The following NALCN variants were observed in gnomAD, a reference collection of about 807,000 sequenced individuals.
The protein encoded by NALCN is sodium leak channel NALCN.
A neutral mutation model predicts 225.3 loss-of-function variants in NALCN; 111 were observed. The ratio of observed to expected loss-of-function variants is 0.49; its 90% CI spans 0.42 to 0.58. NALCN has a LOEUF of 0.58. Among genes scored for constraint, NALCN ranks in the 20% least tolerant of loss-of-function variants. The pLI is 0.00. For synonymous variants in NALCN, 764 were observed against 769.0 expected (o/e 0.99, Z 0.11); for missense variants, 1,378 against 2,202.4 (o/e 0.63, Z 7.49).
intron 1 of NALCN, 48 bp from the exon 2 acceptor site, chr13:101,399,213 A>C: frequency 2.7e-6 from 4 of 1,482,456 alleles, no homozygotes; most frequent in South Asian, 1.2e-5. Flanking sequence ...TCTTGCCCTC[A>C]TCAAAAAATT....
At chr13:101,340,533 T>C (rs1388340384) in intron 7 of NALCN, among the ~76,000 whole-genome samples, 1 of 152,196 alleles carries the variant, frequency 6.6e-6, no homozygotes, top group Non-Finnish European at 1.5e-5. Context: ...GTACTCTAAG[T>C]GTAGTTTCTC....
At chr13:101,190,746 C>G (rs1222088929) in intron 14 of NALCN, among the ~76,000 whole-genome samples, 1 of 152,172 alleles carries the variant, frequency 6.6e-6, no homozygotes, top group Admixed American at 6.5e-5. Context: ...GGACTTATTT[C>G]ATTCATAGAT....
intron 41 of NALCN, among the ~76,000 whole-genome samples, chr13:101,061,043 T>C (rs753100784): frequency 6.6e-5 from 10 of 152,254 alleles, no homozygotes; most frequent in Non-Finnish European, 1.3e-4. Flanking sequence ...TATATATAAA[T>C]GTTTAGTGAT....
chr13:101,356,573 G>T (rs549659555), intron 6 of NALCN, among the ~76,000 whole-genome samples: 6 of 152,120 alleles, frequency 3.9e-5, no homozygotes, highest in Non-Finnish European at 8.8e-5. Flanking sequence ...CCCAGGACCA[G>T]ACAGATTCAC....
At chr13:101,172,618 G>A (rs1026976487) in intron 15 of NALCN, among the ~76,000 whole-genome samples, 1 of 152,152 alleles carries the variant, frequency 6.6e-6, no homozygotes, top group Non-Finnish European at 1.5e-5. Flanking sequence ...GGAGTACAGT[G>A]GCGCCATCTT....
At chr13:101,322,321 T>A (rs2044771818) in intron 7 of NALCN, among the ~76,000 whole-genome samples, 2 of 152,212 alleles carry the variant, frequency 1.3e-5, no homozygotes, top group Non-Finnish European at 2.9e-5. Context: ...GTGTAAATGA[T>A]CGTGTGCAAA....
chr13:101,067,740 G>A (rs934739121), intron 39 of NALCN, among the ~76,000 whole-genome samples, 178 bp downstream of exon 39: 10 of 152,310 alleles, frequency 6.6e-5, no homozygotes, highest in Non-Finnish European at 1.2e-4. Flanking sequence ...ATGTAAGGAG[G>A]AACGATGCTG....
At chr13:101,325,421 C>T (rs1289371132) in intron 7 of NALCN, among the ~76,000 whole-genome samples, 2 of 152,182 alleles carry the variant, frequency 1.3e-5, no homozygotes, top group African/African-American at 4.8e-5. Context: ...TTAATGGTCA[C>T]TGTAAATCAC....
In NALCN at chr13:101,376,925, A is replaced by G. The variant is rs778186193; in HGVS notation, c.507T>C (p.Asn169=). 3.1e-6 allele frequency: 5 copies of G among 1,614,210 alleles called. No homozygotes were observed. Among genetic ancestry groups the G allele is most frequent in the South Asian group, 1.1e-5 (1 of 91,082 alleles). ...RFELPRTRIT[N]ILKRSGEQIW... is the part of the protein sequence containing the mutation. ...TGTAAAGCAGCGCTCACTTTAAAAT[A>G]TTTGTAATTCTGGTCCTTGGCAGTT... Residue 169 remains asparagine (N), a synonymous_variant, in exon 5 of 44, where the codon AAT becomes AAC. Coordinates refer to ENST00000251127, the MANE Select transcript of NALCN (RefSeq NM_052867.4).
chr13:101,413,205 T>C (rs1192011068), intron 1 of NALCN, among the ~76,000 whole-genome samples: 11 of 152,198 alleles, frequency 7.2e-5, no homozygotes, highest in Admixed American at 6.5e-4. Context: ...TATATCTCTA[T>C]AATAATTCAG....
At position 101,107,479 on chromosome 13, in the gene NALCN, G is replaced by A. The variant is rs202032714; in HGVS notation, c.2579+8C>T. The A allele has an allele frequency of 3.1e-6, 5 of 1,613,978 alleles. No individual in the cohort carries two copies. In the East Asian group the frequency reaches 6.7e-5, roughly 22 times the overall value. ...GCCAAACACCTGGCTGAAATGAAGTGTACTTACGCGTTGAAGCGTGCTCGG... is the reference window on the plus strand; with the variant it reads ...GCCAAACACCTGGCTGAAATGAAGTATACTTACGCGTTGAAGCGTGCTCGG... On this transcript the variant is annotated splice_region_variant and intron_variant, in intron 22 of 43. Transcript: ENST00000251127.
Position 101,158,455 on chromosome 13 carries a change from G to C in NALCN, c.1840-13559C>G, listed in dbSNP as rs78998190. ...CCCCTCTGCACTGTCTGAGGTGGCAGAGAAGGAGAAAGGGGTGGGGTTCCC... is the reference window on the plus strand; with the variant it reads ...CCCCTCTGCACTGTCTGAGGTGGCACAGAAGGAGAAAGGGGTGGGGTTCCC... On this transcript the variant is annotated intron_variant, in intron 15 of 43. Transcript: ENST00000251127. 1.0e-2 allele frequency among the ~76,000 whole-genome samples: 1,519 copies of C among 152,346 alleles called. 27 individuals carry two copies. The highest frequency in any genetic ancestry group is 0.035 in the African/African-American group (1,453 of 41,590).
At position 101,053,809 on chromosome 13, in the gene NALCN, T is replaced by C. The variant is rs367787885; in HGVS notation, c.*1486A>G. ...CAAATCCAATATTTATTTTATCTTG[T>C]ATGTACAAAAAGTAAACTCCAAGTG... On this transcript the variant is annotated 3_prime_UTR_variant, in exon 44 of 44. Coordinates refer to ENST00000251127, the MANE Select transcript of NALCN (RefSeq NM_052867.4). 1.2e-4 allele frequency: 18 copies of C among 152,320 alleles called. No individual in the cohort carries two copies. The East Asian group carries it at 1.9e-3, about 16-fold the overall frequency. The allele number at this position is 152,320 out of a possible 1,614,324, so 9.4% of individuals were successfully genotyped here.
chr13:101,111,002 G>C, intron 19 of NALCN, 123 bp downstream of exon 19: 1 of 910,264 alleles, frequency 1.1e-6, no homozygotes, highest in East Asian at 2.4e-5. Context: ...CAAATAGAAC[G>C]CGATTCCTCA....
In NALCN at chr13:101,062,215, A is replaced by G. The variant is rs1165702176; in HGVS notation, c.4605-97T>C. Reference sequence around the variant, plus strand: ...TCCAGAGAGGACATCACTCAGTCTAATAAGTCTAGTGTTTTGACGCCACCC... The same window carrying G: ...TCCAGAGAGGACATCACTCAGTCTAGTAAGTCTAGTGTTTTGACGCCACCC... On this transcript the variant is annotated intron_variant, in intron 40 of 43. Transcript: ENST00000251127. The G allele has an allele frequency of 2.8e-6, 4 of 1,425,566 alleles. No homozygotes were observed. In the South Asian group the frequency reaches 4.1e-5, roughly 14 times the overall value. 88.3% of individuals were successfully genotyped at this position (1,425,566 alleles called of 1,614,324 possible).
chr13:101,182,066 G>A (rs1251682547), intron 14 of NALCN, among the ~76,000 whole-genome samples: 19 of 148,688 alleles, frequency 1.3e-4, no homozygotes, highest in South Asian at 8.5e-4. Context: ...CCCGGGAGGC[G>A]GAGCTTGCAG....
intron 18 of NALCN, chr13:101,116,635 C>T (rs2035731677): frequency 2.2e-6 from 1 of 457,064 alleles, no homozygotes; most frequent in African/African-American, 2.0e-5. Context: ...AAATTATTTT[C>T]ACTCATTATA....
At chr13:101,290,236 A>AT (rs2043501865) in intron 9 of NALCN, among the ~76,000 whole-genome samples, 1 of 152,030 alleles carries the variant, frequency 6.6e-6, no homozygotes, top group African/African-American at 2.4e-5. Flanking sequence ...TCCAAACACT[A>AT]TTTTTTCCAG....
intron 18 of NALCN, among the ~76,000 whole-genome samples, chr13:101,115,285 G>A (rs765041164): frequency 2.6e-5 from 4 of 152,070 alleles, no homozygotes; most frequent in Middle Eastern, 3.4e-3. Context: ...TGCTTCTTAC[G>A]ACTAAAAACT....
Sources: allele counts gnomAD v4.1 joint callset (sites outside exome capture counted in the v4.1 genomes callset), GRCh38; gene constraint gnomAD v4.1.1; transcripts MANE v1.5; gene names NCBI Gene and HGNC (gene_info 2026-07-23, HGNC 2026-07-21).